The following ASTN2 variants were observed in gnomAD, a reference collection of about 807,000 sequenced individuals.
ASTN2 encodes astrotactin 2.
Under a neutral mutation model 139.8 loss-of-function variants are expected in ASTN2, and 54 were observed. The observed-to-expected ratio is 0.39, with a 90% CI of 0.31 to 0.48. The LOEUF is 0.48. ASTN2 is among the 20% of genes least tolerant of loss of function. ASTN2 has a pLI of 0.95. For synonymous variants in ASTN2, 756 were observed against 719.5 expected (o/e 1.05, Z -0.81); for missense variants, 1,565 against 1,725.1 (o/e 0.91, Z 1.64).
intron 2 of ASTN2, among the ~76,000 whole-genome samples, chr9:117,241,321 GT>G (rs1316898860): frequency 6.6e-6 from 1 of 152,132 alleles, no homozygotes; most frequent in Non-Finnish European, 1.5e-5. Context: ...GATCCATCTG[GT>G]TTCATTCAAG....
intron 10 of ASTN2, among the ~76,000 whole-genome samples, chr9:116,973,499 G>C (rs1836266858): frequency 6.6e-6 from 1 of 152,206 alleles, no homozygotes; most frequent in Non-Finnish European, 1.5e-5. Context: ...CAGTCTGAGA[G>C]AGCTGCATCA....
At chr9:116,688,580 A>G (rs990333495) in intron 16 of ASTN2, among the ~76,000 whole-genome samples, 5 of 152,194 alleles carry the variant, frequency 3.3e-5, no homozygotes, top group Non-Finnish European at 7.3e-5. Context: ...TATTAAACAA[A>G]GATCCGTTAT....
chr9:116,679,091 G>A (rs551378956), intron 16 of ASTN2, among the ~76,000 whole-genome samples: 2 of 152,248 alleles, frequency 1.3e-5, no homozygotes, highest in Admixed American at 1.3e-4. Context: ...GGAAAGCTAA[G>A]TCTCCTCTAT....
chr9:117,088,026 G>C (rs780607379), intron 5 of ASTN2, among the ~76,000 whole-genome samples: 17 of 152,196 alleles, frequency 1.1e-4, no homozygotes, highest in Non-Finnish European at 1.9e-4. Context: ...CATTTGAGGA[G>C]ATGACATTTT....
At chr9:116,573,013 G>GCGTGCACACATGTGGGTACATGCACA (rs1853584185) in intron 19 of ASTN2, among the ~76,000 whole-genome samples, 26 of 136,884 alleles carry the variant, frequency 1.9e-4, no homozygotes, top group Non-Finnish European at 3.5e-4. Context: ...GTGGGTACAT[G>GCGTGCACACATGTGGGTACATGCACA]CACACACACA....
intron 20 of ASTN2, among the ~76,000 whole-genome samples, chr9:116,472,353 C>T (rs1302510494): frequency 2.0e-5 from 3 of 152,138 alleles, no homozygotes; most frequent in Non-Finnish European, 4.4e-5. Context: ...TCTTCCAGAC[C>T]TAGCTCAAAG....
At chr9:116,639,774 C>T (rs1467499683) in intron 17 of ASTN2, among the ~76,000 whole-genome samples, 1 of 152,214 alleles carries the variant, frequency 6.6e-6, no homozygotes, top group Non-Finnish European at 1.5e-5. Flanking sequence ...TGGCTGGCTA[C>T]ACTCTCTGAG....
chr9:116,555,480 T>G (rs2119428019), intron 19 of ASTN2, among the ~76,000 whole-genome samples: 1 of 151,900 alleles, frequency 6.6e-6, no homozygotes, highest in South Asian at 2.1e-4. Context: ...AGAGAATGGG[T>G]TTAAGTGAAT....
rs1371211954 is a variant in ASTN2 at position 117,291,529 on chromosome 9, C to T, written c.443-16G>A. 1 of 1,578,196 alleles carries T rather than the reference C, an allele frequency of 6.3e-7. No homozygotes were observed. The highest frequency in any genetic ancestry group is 8.6e-7 in the Non-Finnish European group (1 of 1,160,104). ...CCAGACATCTCTGCAAGACAAGACC[C>T]GAGGCACTGGGTGAGCCGTACGCCT... is the stretch of plus-strand genomic sequence containing the variant. On this transcript the variant is annotated splice_polypyrimidine_tract_variant and intron_variant, in intron 1 of 22. Coordinates refer to ENST00000313400, the MANE Select transcript of ASTN2 (RefSeq NM_001365068.1).
chr9:117,206,139 A>C (rs939698506), intron 3 of ASTN2, among the ~76,000 whole-genome samples: 1 of 152,186 alleles, frequency 6.6e-6, no homozygotes, highest in Non-Finnish European at 1.5e-5. Flanking sequence ...CTAGGATTTG[A>C]CCTGAGTGTC....
chr9:116,459,947 C>G (rs542020952), intron 20 of ASTN2, among the ~76,000 whole-genome samples: 1 of 151,936 alleles, frequency 6.6e-6, no homozygotes, highest in Non-Finnish European at 1.5e-5. Context: ...GAAAGACTTG[C>G]ATAAAAATTT....
intron 14 of ASTN2, 76 bp from the exon 15 acceptor site, chr9:116,729,172 T>G: frequency 3.4e-6 from 4 of 1,168,688 alleles, no homozygotes; most frequent in Non-Finnish European, 4.9e-6. Flanking sequence ...CCTGCAGCTC[T>G]TGGCTCTGGG....
chr9:117,063,504 T>A (rs999635111), intron 5 of ASTN2, among the ~76,000 whole-genome samples: 13 of 152,238 alleles, frequency 8.5e-5, no homozygotes, highest in African/African-American at 2.7e-4. Context: ...ATATAAGACG[T>A]GCCTTTCACC....
rs117087850 is a variant in ASTN2 at position 117,141,466 on chromosome 9, G to A, written c.1028C>T (p.Ala343Val). 249 of 1,367,000 alleles carry A rather than the reference G, an allele frequency of 1.8e-4. No homozygotes were observed. The East Asian group carries it at 3.7e-3, about 20-fold the overall frequency. The allele number at this position is 1,367,000 out of a possible 1,614,324, so 84.7% of individuals were successfully genotyped here. Residue 343 changes from alanine to valine, a missense_variant, in exon 4 of 23, where the codon GCG becomes GTG. Ala to Val is a moderately conservative substitution (Grantham distance 64). Coordinates refer to ENST00000313400, the MANE Select transcript of ASTN2 (RefSeq NM_001365068.1). ...VDFEKKAAAE[A>V]TQETVESLMQ... ...CAGGGACTCCACTGTCTCCTGAGTC[G>A]CCTCAGCTGCTGCTATAAGGTAGCA...
intron 4 of ASTN2, among the ~76,000 whole-genome samples, chr9:117,137,896 C>A (rs1376485330): frequency 6.6e-6 from 1 of 152,096 alleles, no homozygotes; most frequent in Non-Finnish European, 1.5e-5. Context: ...GCTTTAATAG[C>A]ATCCACTTGA....
chr9:116,691,488 ATT>A (rs1030340140), intron 16 of ASTN2, among the ~76,000 whole-genome samples: 4 of 152,220 alleles, frequency 2.6e-5, no homozygotes, highest in Admixed American at 6.5e-5. Context: ...CCTATTATTC[ATT>A]TAGCCTGCCC....
intron 1 of ASTN2, among the ~76,000 whole-genome samples, chr9:117,394,680 G>A (rs1013527333): frequency 9.2e-5 from 14 of 152,172 alleles, no homozygotes; most frequent in South Asian, 8.3e-4. Flanking sequence ...GACACAGCTC[G>A]AGCAAAGTCA....
intron 20 of ASTN2, among the ~76,000 whole-genome samples, chr9:116,461,677 GA>G (rs1848491642): frequency 6.6e-6 from 1 of 152,088 alleles, no homozygotes; most frequent in Non-Finnish European, 1.5e-5. Flanking sequence ...ATGTATTCCA[GA>G]AGGTATATTC....
At chr9:116,769,799 C>T (rs752528718) in intron 13 of ASTN2, among the ~76,000 whole-genome samples, 6 of 152,084 alleles carry the variant, frequency 3.9e-5, no homozygotes, top group Non-Finnish European at 7.4e-5. Context: ...AATCCCAACA[C>T]GTTGCAAGGT....
Sources: allele counts gnomAD v4.1 joint callset (sites outside exome capture counted in the v4.1 genomes callset), GRCh38; gene constraint gnomAD v4.1.1; transcripts MANE v1.5; gene names NCBI Gene and HGNC (gene_info 2026-07-23, HGNC 2026-07-21).